C1orf21: variants seen among roughly 807,000 people sequenced by gnomAD.
C1orf21 encodes uncharacterized protein C1orf21.
A neutral mutation model predicts 18.7 loss-of-function variants in C1orf21; 3 were observed. That is an observed-to-expected ratio of 0.16 (90% CI 0.07 to 0.42). The LOEUF (loss-of-function observed/expected upper bound fraction) is 0.42, where lower values mean the gene tolerates loss of function less well. C1orf21 is among the 10% of genes least tolerant of loss of function. C1orf21 has a pLI of 0.99. For missense variants in C1orf21, 104 were observed against 143.6 expected, an observed-to-expected ratio of 0.72 and a Z score of 1.41; for synonymous variants, 41 against 46.4, an observed-to-expected ratio of 0.88 and a Z score of 0.47.
intron 3 of C1orf21, among the ~76,000 whole-genome samples, chr1:184,577,196 A>C (rs367802750): frequency 3.3e-5 from 5 of 150,972 alleles, no homozygotes; most frequent in East Asian, 3.9e-4. Flanking sequence ...GTATAATCAC[A>C]AGGATTCGTA....
At chr1:184,570,250 G>A (rs1260185290) in intron 3 of C1orf21, among the ~76,000 whole-genome samples, 1 of 152,114 alleles carries the variant, frequency 6.6e-6, no homozygotes, top group Non-Finnish European at 1.5e-5. Context: ...GTAGCAGCAA[G>A]TTTGCGCGTA....
chr1:184,421,731 C>T (rs1656549801), intron 1 of C1orf21, among the ~76,000 whole-genome samples: 1 of 152,100 alleles, frequency 6.6e-6, no homozygotes, highest in Non-Finnish European at 1.5e-5. Flanking sequence ...TTTACCTCCT[C>T]CATGGGTGAG....
chr1:184,449,684 T>A (rs1657091630), intron 1 of C1orf21, among the ~76,000 whole-genome samples: 1 of 152,198 alleles, frequency 6.6e-6, no homozygotes, highest in Non-Finnish European at 1.5e-5. Flanking sequence ...ATAATTTAAG[T>A]CTTCCAAGAA....
At chr1:184,591,777 G>A (rs1262451128) in intron 4 of C1orf21, among the ~76,000 whole-genome samples, 1 of 151,274 alleles carries the variant, frequency 6.6e-6, no homozygotes, top group Non-Finnish European at 1.5e-5. Context: ...CTGCACTCCA[G>A]CCTGGGCGAC....
intron 2 of C1orf21, among the ~76,000 whole-genome samples, chr1:184,488,302 A>G (rs1358620337): frequency 6.6e-6 from 1 of 152,228 alleles, no homozygotes; most frequent in African/African-American, 2.4e-5. Context: ...TTCAAAGTGT[A>G]GTTTAAAAGA....
intron 2 of C1orf21, among the ~76,000 whole-genome samples, chr1:184,483,002 A>T (rs1469774733): frequency 6.6e-6 from 1 of 152,236 alleles, no homozygotes; most frequent in Non-Finnish European, 1.5e-5. Flanking sequence ...TTAGGAAATC[A>T]TTGACAAGGA....
intron 3 of C1orf21, among the ~76,000 whole-genome samples, chr1:184,518,835 G>A (rs916331290): frequency 6.6e-6 from 1 of 152,100 alleles, no homozygotes; most frequent in Non-Finnish European, 1.5e-5. Flanking sequence ...CATACTGTGA[G>A]TCTCTGATGG....
At chr1:184,511,550 TTTG>T (rs1186283906) in intron 3 of C1orf21, among the ~76,000 whole-genome samples, 2 of 152,132 alleles carry the variant, frequency 1.3e-5, no homozygotes. Flanking sequence ...TCAGAATATT[TTTG>T]TTGGTTTGAA....
chr1:184,586,128 G>T lies in C1orf21; in HGVS notation c.190-4611G>T, dbSNP rs117336049. Among the ~76,000 whole-genome samples the T allele has an allele frequency of 5.1e-4, 77 of 152,140 alleles. No individual in the cohort carries two copies. In the East Asian group the frequency reaches 0.013, roughly 26 times the overall value. On this transcript the variant is annotated intron_variant, in intron 3 of 5. Coordinates refer to ENST00000235307, the MANE Select transcript of C1orf21 (RefSeq NM_030806.4). ...ACTTCAATAGCATCTGTTATTTTTC[G>T]ACTTTTTAATAGCCATTCTGATTGA...
At chr1:184,480,347 AAGTT>A (rs1472389309) in intron 2 of C1orf21, among the ~76,000 whole-genome samples, 1 of 152,232 alleles carries the variant, frequency 6.6e-6, no homozygotes, top group Non-Finnish European at 1.5e-5. Context: ...CTAGAAAACT[AAGTT>A]AGGGTTAAAT....
chr1:184,534,329 A>T (rs1299163411), intron 3 of C1orf21, among the ~76,000 whole-genome samples: 1 of 152,204 alleles, frequency 6.6e-6, no homozygotes, highest in African/African-American at 2.4e-5. Flanking sequence ...TTTACTTTGG[A>T]ATGAGGTGGA....
At chr1:184,603,741 A>G (rs1659615334) in intron 5 of C1orf21, among the ~76,000 whole-genome samples, 1 of 152,222 alleles carries the variant, frequency 6.6e-6, no homozygotes, top group Non-Finnish European at 1.5e-5. Flanking sequence ...GTTACAGTTG[A>G]GCAGAGACCA....
At chr1:184,425,969 A>G (rs956983970) in intron 1 of C1orf21, among the ~76,000 whole-genome samples, 2 of 152,208 alleles carry the variant, frequency 1.3e-5, no homozygotes, top group African/African-American at 4.8e-5. Flanking sequence ...AAGAGAGTCA[A>G]ATAGTGATTC....
Position 184,416,780 on chromosome 1 carries a change from C to T in C1orf21, c.-125+29412C>T, listed in dbSNP as rs573462246. Among the ~76,000 whole-genome samples the T allele has an allele frequency of 5.9e-4, 90 of 152,290 alleles. 2 individuals carry two copies. In the South Asian group the frequency reaches 0.018, roughly 31 times the overall value. On this transcript the variant is annotated intron_variant, in intron 1 of 5. Coordinates refer to ENST00000235307, the MANE Select transcript of C1orf21 (RefSeq NM_030806.4). ...CTGACCTATTGGAATGGGACACAGA[C>T]TTCGGAGGCAGCTCAGAAGGAAGTG...
intron 1 of C1orf21, among the ~76,000 whole-genome samples, chr1:184,445,586 A>G (rs2101977039): frequency 6.6e-6 from 1 of 152,150 alleles, no homozygotes; most frequent in African/African-American, 2.4e-5. Flanking sequence ...TCACAGGAAC[A>G]CTCAACTCAT....
chr1:184,512,911 G>A (rs933073565), intron 3 of C1orf21, among the ~76,000 whole-genome samples: 1 of 152,170 alleles, frequency 6.6e-6, no homozygotes, highest in Non-Finnish European at 1.5e-5. Context: ...GCTCCTCATC[G>A]CTCACATTAC....
chr1:184,597,097 ACTCTCATCATCCCAGATTCTGTTCTGC>A (rs944857047), intron 4 of C1orf21, among the ~76,000 whole-genome samples: 2 of 152,226 alleles, frequency 1.3e-5, no homozygotes, highest in African/African-American at 4.8e-5. Context: ...AGTTTAATGT[ACTCTCATCATCCCAGATTCTGTTCTGC>A]CTTTCAAACC....
Position 184,387,688 on chromosome 1 carries a change from G to A in C1orf21, c.-125+320G>A, listed in dbSNP as rs865795003. ...ACTTTCGTCACATCGAGGCCTGGGT[G>A]GCTGGTGTTAGACACCCCTCCCTTC... On this transcript the variant is annotated intron_variant, in intron 1 of 5. Coordinates refer to ENST00000235307, the MANE Select transcript of C1orf21 (RefSeq NM_030806.4). This position sits in a 1 kb window ranked among gnomAD's most constrained non-coding sequence, Gnocchi z 5.6. 1.3e-5 allele frequency among the ~76,000 whole-genome samples: 2 copies of A among 152,274 alleles called. No individual in the cohort carries two copies. The highest frequency in any genetic ancestry group is 3.4e-3 in the Middle Eastern group (1 of 292).
At chr1:184,553,038 G>A (rs1048184044) in intron 3 of C1orf21, among the ~76,000 whole-genome samples, 2 of 152,126 alleles carry the variant, frequency 1.3e-5, no homozygotes, top group African/African-American at 4.8e-5. Context: ...TCTACTCCTG[G>A]TGGTCATAAT....
Sources: gnomAD v4.1 joint callset for allele counts (sites outside exome capture counted in the v4.1 genomes callset) on GRCh38, gnomAD v4.1.1 for gene constraint, Gnocchi (gnomAD v3.1) non-coding constraint, MANE v1.5 for transcripts, NCBI Gene and HGNC (gene_info 2026-07-23, HGNC 2026-07-21) for gene names.